The following PRKCA variants were observed in gnomAD, a reference collection of about 807,000 sequenced individuals.
The protein encoded by PRKCA is protein kinase C alpha type.
PRKCA carries 27 observed loss-of-function variants against 87.0 expected under a neutral mutation model. The ratio of observed to expected loss-of-function variants is 0.31; its 90% confidence interval spans 0.23 to 0.43. The LOEUF (loss-of-function observed/expected upper bound fraction) is 0.43. Among genes scored for constraint, PRKCA ranks in the 20% least tolerant of loss-of-function variants. The pLI is 1.00. For synonymous variants in PRKCA, 329 were observed against 311.1 expected, an observed-to-expected ratio of 1.06 and a Z score of -0.61; for missense variants, 518 against 852.3, an observed-to-expected ratio of 0.61 and a Z score of 4.88.
chr17:66,733,106 G>A (rs867371453), intron 9 of PRKCA, among the ~76,000 whole-genome samples: 17 of 143,638 alleles, frequency 1.2e-4, no homozygotes, highest in African/African-American at 2.9e-4. Context: ...AGCCGAGATC[G>A]CACCACTGCA....
chr17:66,641,212 G>A (rs1971288352), intron 3 of PRKCA, 143 bp from the exon 4 acceptor site: 4 of 538,354 alleles, frequency 7.4e-6, no homozygotes, highest in Admixed American at 6.4e-5. Context: ...ACCACCCATT[G>A]TGTGACTCCA....
intron 2 of PRKCA, among the ~76,000 whole-genome samples, chr17:66,486,730 G>A (rs904900245): frequency 2.0e-4 from 31 of 152,042 alleles, no homozygotes; most frequent in African/African-American, 7.0e-4. Context: ...CCACCTGCTT[G>A]TCTGACACAT....
intron 3 of PRKCA, among the ~76,000 whole-genome samples, chr17:66,499,071 C>T (rs949243413): frequency 1.3e-5 from 2 of 151,972 alleles, no homozygotes; most frequent in African/African-American, 4.8e-5. Flanking sequence ...AGATGCCTGA[C>T]GCTGGGAGTC....
Position 66,798,224 on chromosome 17 carries a change from T to C in PRKCA, c.1855-5649T>C, listed in dbSNP as rs184421587. 5.6e-4 allele frequency among the ~76,000 whole-genome samples: 85 copies of C among 152,348 alleles called. 1 individual carries two copies. The highest frequency in any genetic ancestry group is 2.3e-3 in the Admixed American group (35 of 15,310). ...AGCTCCAAGATGGCACCCGAGGCCATTGCCCATCAAGCTCATGGTGATGAG... is the reference window on the plus strand; with the variant it reads ...AGCTCCAAGATGGCACCCGAGGCCACTGCCCATCAAGCTCATGGTGATGAG... On this transcript the variant is annotated intron_variant, in intron 16 of 16. Coordinates refer to ENST00000413366, the MANE Select transcript of PRKCA (RefSeq NM_002737.3).
At chr17:66,770,658 C>T (rs1200287001) in intron 13 of PRKCA, among the ~76,000 whole-genome samples, 1 of 152,196 alleles carries the variant, frequency 6.6e-6, no homozygotes, top group East Asian at 1.9e-4. Context: ...AAGTACGTGT[C>T]TAAATGTTTC....
chr17:66,446,898 T>C (rs1257740272), intron 2 of PRKCA, among the ~76,000 whole-genome samples: 2 of 152,212 alleles, frequency 1.3e-5, no homozygotes, highest in Non-Finnish European at 2.9e-5. Context: ...GTTATTTTCT[T>C]GCACTGAATT....
At chr17:66,338,330 C>T (rs1212573861) in intron 2 of PRKCA, among the ~76,000 whole-genome samples, 2 of 152,072 alleles carry the variant, frequency 1.3e-5, no homozygotes, top group Admixed American at 1.3e-4. Flanking sequence ...TTCCGAATGG[C>T]CTCTTTTGAC....
chr17:66,319,507 A>G (rs1362445023), intron 2 of PRKCA, among the ~76,000 whole-genome samples: 1 of 151,948 alleles, frequency 6.6e-6, no homozygotes. Flanking sequence ...GTTATATTTT[A>G]TATTCTAGGT....
intron 2 of PRKCA, among the ~76,000 whole-genome samples, chr17:66,346,908 G>C (rs1364451704): frequency 1.3e-5 from 2 of 152,008 alleles, no homozygotes; most frequent in Non-Finnish European, 2.9e-5. Flanking sequence ...GCTCACACCT[G>C]TAATCCCAGC....
At chr17:66,349,727 T>C (rs1316333645) in intron 2 of PRKCA, among the ~76,000 whole-genome samples, 1 of 152,146 alleles carries the variant, frequency 6.6e-6, no homozygotes, top group South Asian at 2.1e-4. Context: ...ATTCCTCCAA[T>C]AGAACAGTGT....
At chr17:66,757,047 A>C (rs1284597756) in intron 13 of PRKCA, among the ~76,000 whole-genome samples, 2 of 152,228 alleles carry the variant, frequency 1.3e-5, no homozygotes, top group Non-Finnish European at 2.9e-5. Flanking sequence ...ACAGATGGGC[A>C]GTGTTAAGCA....
At chr17:66,325,180 T>C (rs1037349274) in intron 2 of PRKCA, among the ~76,000 whole-genome samples, 2 of 152,264 alleles carry the variant, frequency 1.3e-5, no homozygotes, top group Non-Finnish European at 2.9e-5. Flanking sequence ...TTGGTCATTG[T>C]GGATTGGCCT....
chr17:66,584,385 C>A (rs1969532808), intron 3 of PRKCA, among the ~76,000 whole-genome samples: 1 of 151,894 alleles, frequency 6.6e-6, no homozygotes, highest in Non-Finnish European at 1.5e-5. Flanking sequence ...CCATGCCCAG[C>A]TGATTTTTGT....
chr17:66,480,237 G>C (rs1259695745), intron 2 of PRKCA, among the ~76,000 whole-genome samples: 1 of 152,086 alleles, frequency 6.6e-6, no homozygotes, highest in Non-Finnish European at 1.5e-5. Context: ...GCTCTCCACT[G>C]TTACCCATGG....
At chr17:66,581,211 C>A (rs891571083) in intron 3 of PRKCA, among the ~76,000 whole-genome samples, 27 of 152,256 alleles carry the variant, frequency 1.8e-4, no homozygotes, top group Admixed American at 1.4e-3. Flanking sequence ...ACTTTCTCAG[C>A]CAAGGGCCAG....
chr17:66,511,486 T>C lies in PRKCA; in HGVS notation c.288+15203T>C, dbSNP rs185435611. On this transcript the variant is annotated intron_variant, in intron 3 of 16. Coordinates refer to ENST00000413366, the MANE Select transcript of PRKCA (RefSeq NM_002737.3). ...GGATTTAGGTAATTCATCGTAATCG[T>C]TGTTTTTTCCCCATTAAGAATTGGT... Among the ~76,000 whole-genome samples the C allele has an allele frequency of 1.1e-4, 16 of 152,298 alleles. 1 individual carries two copies. The highest frequency in any genetic ancestry group is 6.2e-4 in the South Asian group (3 of 4,824).
At chr17:66,496,747 G>A (rs1416414584) in intron 3 of PRKCA, among the ~76,000 whole-genome samples, 4 of 151,198 alleles carry the variant, frequency 2.6e-5, no homozygotes, top group African/African-American at 7.3e-5. Flanking sequence ...AGGTTCAAGC[G>A]ATTTTCCTGC....
At chr17:66,588,072 A>G (rs965144644) in intron 3 of PRKCA, among the ~76,000 whole-genome samples, 15 of 152,046 alleles carry the variant, frequency 9.9e-5, no homozygotes, top group Admixed American at 2.6e-4. Context: ...TGTCTGAACC[A>G]ATTTACATTC....
chr17:66,688,371 G>A lies in PRKCA; in HGVS notation c.756G>A (p.Arg252=). ...VEIWDWDRTT[R]NDFMGSLSFG... ...TCTGGGACTGGGATCGAACAACAAG[G>A]AATGACTTCATGGGATCCCTTTCCT... The change falls in exon 7 of 17, where the codon AGG becomes AGA. Residue 252 remains arginine, a synonymous_variant. Transcript: ENST00000413366. The A allele has an allele frequency of 1.2e-6, 2 of 1,614,168 alleles. No individual in the cohort carries two copies. The highest frequency in any genetic ancestry group is 1.7e-6 in the Non-Finnish European group (2 of 1,180,012).
Sources: gnomAD v4.1 joint callset for allele counts (sites outside exome capture counted in the v4.1 genomes callset) on GRCh38, gnomAD v4.1.1 for gene constraint, MANE v1.5 for transcripts, NCBI Gene and HGNC (gene_info 2026-07-23, HGNC 2026-07-21) for gene names.